CYSLTR2: variants seen among roughly 807,000 people sequenced by gnomAD.
CYSLTR2 encodes G-protein coupled receptor GPCR21.
For synonymous variants in CYSLTR2, 179 were observed against 160.8 expected, an observed-to-expected ratio of 1.11 and a Z score of -0.86; for missense variants, 398 against 411.9, an observed-to-expected ratio of 0.97 and a Z score of 0.29.
intron 1 of CYSLTR2, among the ~76,000 whole-genome samples, chr13:48,684,316 A>T (rs1467586059): frequency 6.6e-6 from 1 of 152,046 alleles, no homozygotes; most frequent in Non-Finnish European, 1.5e-5. Flanking sequence ...AGAGATTCTC[A>T]TTATGAACAT....
rs1406149643 is a variant in CYSLTR2 at position 48,691,306 on chromosome 13, T to C, written c.-176+5T>C. 6.6e-6 allele frequency: 1 copy of C among 152,072 alleles called. No homozygotes were observed. The highest frequency in any genetic ancestry group is 1.9e-4 in the East Asian group (1 of 5,196). 9.4% of individuals were successfully genotyped at this position (152,072 alleles called of 1,614,324 possible). ...ATGGAGAGTTCCTCAACAGAGGTAA[T>C]CAATCATCAGCTTCTTTTTCTACAG... On this transcript the variant is annotated splice_donor_5th_base_variant and intron_variant, in intron 2 of 4. Coordinates refer to ENST00000682523, the MANE Select transcript of CYSLTR2 (RefSeq NM_001308476.3).
At chr13:48,687,817 G>T (rs952882151) in intron 1 of CYSLTR2, among the ~76,000 whole-genome samples, 5 of 152,224 alleles carry the variant, frequency 3.3e-5, no homozygotes, top group African/African-American at 1.2e-4. Flanking sequence ...TTAGTGTGTG[G>T]CAGGTGGCCG....
At chr13:48,684,265 T>C (rs1012178324) in intron 1 of CYSLTR2, among the ~76,000 whole-genome samples, 13 of 151,922 alleles carry the variant, frequency 8.6e-5, no homozygotes, top group Non-Finnish European at 2.9e-5. Context: ...AGGGGTTCCA[T>C]GGAAGAAATA....
At position 48,705,996 on chromosome 13, in the gene CYSLTR2, G is replaced by GTT. The variant is rs368909553; in HGVS notation, c.-1-820_-1-819dup. 3.0e-3 allele frequency among the ~76,000 whole-genome samples: 383 copies of GTT among 128,548 alleles called. 15 individuals carry two copies. The highest frequency in any genetic ancestry group is 0.018 in the South Asian group (77 of 4,260). The allele number at this position is 128,548 out of a possible 152,430, so 84.3% of individuals were successfully genotyped here. A position where few individuals can be genotyped will look rare whatever the true frequency, so the allele number is the denominator to read the frequency against. On this transcript the variant is annotated intron_variant, in intron 4 of 4. Coordinates refer to ENST00000682523, the MANE Select transcript of CYSLTR2 (RefSeq NM_001308476.3). ...TGTTTGTTTTTTGTTTTGTTTTGTT[G>GTT]TTGTTTTTTTTTTTTTTGAGATGGA...
At chr13:48,699,777 CTAAT>C (rs1424911261) in intron 4 of CYSLTR2, among the ~76,000 whole-genome samples, 1 of 151,620 alleles carries the variant, frequency 6.6e-6, no homozygotes, top group Non-Finnish European at 1.5e-5. Flanking sequence ...GCTAGCAAGA[CTAAT>C]AAAGAAGAAA....
chr13:48,655,502 G>A (rs1294200153), intron 1 of CYSLTR2, among the ~76,000 whole-genome samples: 1 of 152,186 alleles, frequency 6.6e-6, no homozygotes. Flanking sequence ...TGAAAACAGA[G>A]CCACAGCGCC....
chr13:48,666,600 CT>C (rs1436022187), intron 1 of CYSLTR2, among the ~76,000 whole-genome samples: 5 of 151,986 alleles, frequency 3.3e-5, no homozygotes, highest in Non-Finnish European at 5.9e-5. Flanking sequence ...TCTTTTATGC[CT>C]TTTTTGTTTG....
At chr13:48,669,179 C>T (rs146846966) in intron 1 of CYSLTR2, among the ~76,000 whole-genome samples, 27 of 152,180 alleles carry the variant, frequency 1.8e-4, no homozygotes, top group Admixed American at 4.6e-4. Context: ...CTTGAGGAAT[C>T]GCCACACTGT....
intron 4 of CYSLTR2, among the ~76,000 whole-genome samples, chr13:48,704,345 A>T (rs1487457989): frequency 3.3e-5 from 5 of 152,176 alleles, no homozygotes; most frequent in Non-Finnish European, 7.3e-5. Flanking sequence ...CAACATGGAG[A>T]TACAGCATCT....
intron 4 of CYSLTR2, among the ~76,000 whole-genome samples, chr13:48,696,912 C>A (rs1169718344): frequency 1.3e-5 from 2 of 152,200 alleles, no homozygotes; most frequent in Admixed American, 6.5e-5. Context: ...TCGCTCACTG[C>A]TAGCATAACA....
rs892646669 is a variant in CYSLTR2 at position 48,673,315 on chromosome 13, A to G, written c.-265-17897A>G. ...TGTATTGGGTGCATATATATTTAGC[A>G]TAGTTAGCTATTCTTGTTGCATTGA... On this transcript the variant is annotated intron_variant, in intron 1 of 4. Coordinates refer to ENST00000682523, the MANE Select transcript of CYSLTR2 (RefSeq NM_001308476.3). Among the ~76,000 whole-genome samples the G allele has an allele frequency of 3.9e-5, 6 of 151,994 alleles. No homozygotes were observed. In the East Asian group the frequency reaches 7.7e-4, roughly 20 times the overall value.
intron 4 of CYSLTR2, among the ~76,000 whole-genome samples, chr13:48,703,306 C>T (rs927342404): frequency 5.3e-5 from 8 of 151,878 alleles, no homozygotes; most frequent in African/African-American, 1.9e-4. Flanking sequence ...TATTTATTTC[C>T]TTTTTGTGTT....
Position 48,707,284 on chromosome 13 carries a change from GGATCCTCT to G in CYSLTR2, c.469_476del (p.Ile157TrpfsTer20). ...CATGTCACCAGCATCAGGAGTGCCT[GGATCCTCT>G]GTGGGATCATATGGATCCTTATCAT... On this transcript the variant is annotated frameshift_variant, in exon 5 of 5. Transcript: ENST00000682523. LOFTEE classifies it low-confidence loss of function (END_TRUNC). 6.2e-7 allele frequency: 1 copy of G among 1,614,014 alleles called. No individual in the cohort carries two copies. The highest frequency in any genetic ancestry group is 2.2e-5 in the East Asian group (1 of 44,884).
At chr13:48,667,059 A>C (rs982780518) in intron 1 of CYSLTR2, among the ~76,000 whole-genome samples, 4 of 152,212 alleles carry the variant, frequency 2.6e-5, no homozygotes, top group South Asian at 2.1e-4. Context: ...TCACAGGGCA[A>C]AGCTTATTCA....
At chr13:48,706,701 G>A in intron 4 of CYSLTR2, 116 bp from the exon 5 acceptor site, 1 of 786,534 alleles carries the variant, frequency 1.3e-6, no homozygotes, top group Non-Finnish European at 2.0e-6. Context: ...AACTTTCAAA[G>A]AAAAGATAGT....
intron 1 of CYSLTR2, among the ~76,000 whole-genome samples, chr13:48,680,198 A>G (rs1306602268): frequency 6.6e-6 from 1 of 152,192 alleles, no homozygotes; most frequent in Non-Finnish European, 1.5e-5. Flanking sequence ...TGCGGGCAGG[A>G]CACAGATTCA....
intron 1 of CYSLTR2, among the ~76,000 whole-genome samples, chr13:48,671,910 AT>A (rs568637947): frequency 9.4e-4 from 135 of 142,990 alleles, no homozygotes; most frequent in East Asian, 1.4e-3. Flanking sequence ...CTGGTCCTGG[AT>A]TTTTTTTTTT....
At chr13:48,666,644 G>A (rs139381273) in intron 1 of CYSLTR2, among the ~76,000 whole-genome samples, 3 of 151,838 alleles carry the variant, frequency 2.0e-5, no homozygotes, top group South Asian at 2.1e-4. Flanking sequence ...ACCTGTCTTC[G>A]TGCTTAGAAA....
intron 1 of CYSLTR2, among the ~76,000 whole-genome samples, chr13:48,679,500 A>G (rs560227050): frequency 2.8e-4 from 43 of 152,194 alleles, no homozygotes; most frequent in Non-Finnish European, 1.3e-4. Flanking sequence ...GCCACATCCT[A>G]CCACTAACTT....
Sources: allele counts gnomAD v4.1 joint callset (sites outside exome capture counted in the v4.1 genomes callset), GRCh38; gene constraint gnomAD v4.1.1; transcripts MANE v1.5; gene names NCBI Gene and HGNC (gene_info 2026-07-23, HGNC 2026-07-21).